SIN3B: variants seen among roughly 807,000 people sequenced by gnomAD.
SIN3B encodes the protein paired amphipathic helix protein Sin3b.
SIN3B carries 19 observed loss-of-function variants against 120.2 expected under a neutral mutation model. The ratio of observed to expected loss-of-function variants is 0.16; its 90% CI spans 0.11 to 0.23. SIN3B has a LOEUF of 0.23. Among genes scored for constraint, SIN3B ranks in the 10% least tolerant of loss-of-function variants. The pLI is 1.00. For missense variants in SIN3B, 1,073 were observed against 1,573.0 expected, an observed-to-expected ratio of 0.68 and a Z score of 5.38; for synonymous variants, 654 against 653.2, an observed-to-expected ratio of 1.00 and a Z score of -0.02.
intron 3 of SIN3B, among the ~76,000 whole-genome samples, chr19:16,832,445 G>T (rs2144570953): frequency 6.6e-6 from 1 of 150,922 alleles, no homozygotes; most frequent in East Asian, 1.9e-4. Flanking sequence ...TGATCTGCCT[G>T]CTTCAGCTTC....
At chr19:16,842,488 C>T (rs2144584464) in intron 4 of SIN3B, among the ~76,000 whole-genome samples, 1 of 151,282 alleles carries the variant, frequency 6.6e-6, no homozygotes, top group Non-Finnish European at 1.5e-5. Context: ...CTCACTGCAG[C>T]CTTGACCTCC....
At chr19:16,851,179 G>C (rs77663186) in intron 5 of SIN3B, among the ~76,000 whole-genome samples, 90 of 152,304 alleles carry the variant, frequency 5.9e-4, no homozygotes, top group African/African-American at 2.1e-3. Flanking sequence ...ATCCATAAAG[G>C]CCTCACAGGA....
chr19:16,832,386 T>C (rs1971290660), intron 3 of SIN3B, among the ~76,000 whole-genome samples: 1 of 151,764 alleles, frequency 6.6e-6, no homozygotes, highest in Non-Finnish European at 1.5e-5. Context: ...TTAGTAGAGA[T>C]GGGGTTTCTT....
At chr19:16,838,006 G>A (rs1256797623) in intron 3 of SIN3B, among the ~76,000 whole-genome samples, 2 of 152,092 alleles carry the variant, frequency 1.3e-5, no homozygotes, top group Non-Finnish European at 2.9e-5. Flanking sequence ...GTGGGAGGCA[G>A]TTCGAACTCT....
At chr19:16,829,939 G>A in intron 2 of SIN3B, 42 bp downstream of exon 2, 2 of 1,439,802 alleles carry the variant, frequency 1.4e-6, no homozygotes, top group South Asian at 2.3e-5. Context: ...ACCCCCCTGG[G>A]CCGGAATCGG....
At chr19:16,843,499 G>A (rs1216354779) in intron 4 of SIN3B, among the ~76,000 whole-genome samples, 2 of 152,238 alleles carry the variant, frequency 1.3e-5, no homozygotes, top group Admixed American at 6.5e-5. Flanking sequence ...GCCAGTGGCT[G>A]CTGTGAGCAT....
chr19:16,849,174 G>C lies in SIN3B; in HGVS notation c.726+2061G>C, dbSNP rs371287515. Among the ~76,000 whole-genome samples the C allele has an allele frequency of 2.2e-4, 33 of 152,338 alleles. No homozygotes were observed. In the South Asian group the frequency reaches 6.8e-3, roughly 32 times the overall value. The stretch of plus-strand genomic sequence containing the variant: ...TAACTTTTGGACATATATTAAAACT[G>C]TAGGAAAAAGAAACCAAGATGAAAT... On this transcript the variant is annotated intron_variant, in intron 5 of 18. Transcript: ENST00000248054.
At position 16,875,286 on chromosome 19, in the gene SIN3B, CTGGTCTGGTTT is replaced by C. The variant is rs1245352675; in HGVS notation, c.2593-757_2593-747del. 2.4e-3 allele frequency among the ~76,000 whole-genome samples: 303 copies of C among 126,836 alleles called. 3 individuals carry two copies. The highest frequency in any genetic ancestry group is 9.1e-3 in the African/African-American group (288 of 31,718). 83.2% of individuals were successfully genotyped at this position (126,836 alleles called of 152,430 possible). On this transcript the variant is annotated intron_variant, in intron 14 of 18. Transcript: ENST00000248054. ...GGTTTTGGTCTGGTTTGGGTCTGGT[CTGGTCTGGTTT>C]TGGTCTGGTTTGGGTCTGGTCTGGT...
In SIN3B at chr19:16,879,046, A is replaced by G. The variant is rs2051656352; in HGVS notation, c.*319A>G. On this transcript the variant is annotated 3_prime_UTR_variant, in exon 19 of 19. Coordinates refer to ENST00000248054, the MANE Select transcript of SIN3B (RefSeq NM_001297595.2). ...CATGTGCCAAATCCCTGGCAGGCAG[A>G]TGGCTCCTGCCCCATATTCTTGCCG... The G allele has an allele frequency of 2.3e-6, 1 of 436,074 alleles. No individual in the cohort carries two copies. Among genetic ancestry groups the G allele is most frequent in the Non-Finnish European group, 4.1e-6 (1 of 242,758 alleles). 27.0% of individuals were successfully genotyped at this position (436,074 alleles called of 1,614,324 possible). A position where few individuals can be genotyped will look rare whatever the true frequency, so the allele number is the denominator to read the frequency against.
intron 4 of SIN3B, among the ~76,000 whole-genome samples, chr19:16,846,705 T>G (rs979372484): frequency 6.6e-6 from 1 of 152,162 alleles, no homozygotes; most frequent in African/African-American, 2.4e-5. Context: ...CACCCCTGAT[T>G]ACAGCCAGCC....
chr19:16,840,315 C>T (rs1170355196), intron 3 of SIN3B, among the ~76,000 whole-genome samples: 1 of 152,150 alleles, frequency 6.6e-6, no homozygotes, highest in Non-Finnish European at 1.5e-5. Context: ...GAGATTGGGA[C>T]ACACATCAGG....
intron 14 of SIN3B, among the ~76,000 whole-genome samples, chr19:16,873,879 T>C (rs1049491577): frequency 3.3e-5 from 5 of 152,222 alleles, no homozygotes; most frequent in African/African-American, 1.2e-4. Context: ...TTCTTAAAAA[T>C]TAGCATTGCT....
intron 8 of SIN3B, 62 bp downstream of exon 8, chr19:16,854,323 T>C: frequency 1.0e-6 from 1 of 997,678 alleles, no homozygotes; most frequent in Non-Finnish European, 1.5e-6. Flanking sequence ...TCCATCTACT[T>C]GGTTTTTAGT....
At position 16,865,580 on chromosome 19, in the gene SIN3B, C is replaced by T. The variant is rs201115591; in HGVS notation, c.1554C>T (p.Asp518=). Reference sequence around the variant, plus strand: ...GTGCCATTTATCGCATCTATGGCGACAAGGCCCCGGAGATCATCGAGAGCC... The same window carrying T: ...GTGCCATTTATCGCATCTATGGCGATAAGGCCCCGGAGATCATCGAGAGCC... ...QRRAIYRIYG[D]KAPEIIESLK... The change falls in exon 11 of 19, where the codon GAC becomes GAT. Residue 518 remains aspartate, a synonymous_variant. Transcript: ENST00000248054. 1.3e-5 allele frequency: 21 copies of T among 1,613,408 alleles called. No homozygotes were observed. The Admixed American group carries it at 3.5e-4, about 27-fold the overall frequency.
chr19:16,863,431 T>A, intron 9 of SIN3B: 1 of 554,714 alleles, frequency 1.8e-6, no homozygotes, highest in Non-Finnish European at 3.2e-6. Flanking sequence ...CATCAGGGAC[T>A]TGAGTATCTG....
chr19:16,837,803 C>T (rs1971366659), intron 3 of SIN3B, among the ~76,000 whole-genome samples: 1 of 152,056 alleles, frequency 6.6e-6, no homozygotes, highest in Admixed American at 6.6e-5. Context: ...GAAGTCTGGG[C>T]TGATCTCAGG....
At chr19:16,855,344 C>T (rs1002392287) in intron 8 of SIN3B, 3 of 123,928 alleles carry the variant, frequency 2.4e-5, no homozygotes, top group Admixed American at 9.9e-5. Flanking sequence ...TGGAACTGTA[C>T]AGGAGGAACC....
chr19:16,867,215 C>G (rs1168362411), intron 12 of SIN3B, among the ~76,000 whole-genome samples: 10 of 152,218 alleles, frequency 6.6e-5, no homozygotes, highest in Non-Finnish European at 8.8e-5. Context: ...TGACCTCACT[C>G]CTGAACCTGA....
intron 10 of SIN3B, 104 bp from the exon 11 acceptor site, chr19:16,865,306 A>ACCCCC (rs10625481): frequency 3.9e-5 from 15 of 388,766 alleles, no homozygotes; most frequent in African/African-American, 8.2e-5. Flanking sequence ...AAATACACAC[A>ACCCCC]CCCCCCCCCC....
Sources: gnomAD v4.1 joint callset for allele counts (sites outside exome capture counted in the v4.1 genomes callset) on GRCh38, gnomAD v4.1.1 for gene constraint, MANE v1.5 for transcripts, NCBI Gene and HGNC (gene_info 2026-07-23, HGNC 2026-07-21) for gene names.